KRAS: variants seen among roughly 807,000 people sequenced by gnomAD.
KRAS encodes the protein GTPase KRas.
Under a neutral mutation model 21.0 loss-of-function variants are expected in KRAS, and 1 was observed. The ratio of observed to expected loss-of-function variants is 0.05; its 90% CI spans 0.02 to 0.23. The LOEUF (loss-of-function observed/expected upper bound fraction) is 0.23, where lower values mean the gene tolerates loss of function less well. Among genes scored for constraint, KRAS ranks in the 10% least tolerant of loss-of-function variants. The pLI, the probability that KRAS is intolerant of heterozygous loss-of-function variation, is 1.00. For synonymous variants in KRAS, 67 were observed against 72.5 expected (o/e 0.92, Z 0.39); for missense variants, 107 against 221.8 (o/e 0.48, Z 3.29).
chr12:25,247,832 G>A (rs909872772), intron 1 of KRAS, among the ~76,000 whole-genome samples: 5 of 152,162 alleles, frequency 3.3e-5, no homozygotes, highest in African/African-American at 1.2e-4. Flanking sequence ...GAGATTTACT[G>A]AAGTGTGAAA....
At chr12:25,223,793 A>G (rs1951356480) in intron 4 of KRAS, among the ~76,000 whole-genome samples, 1 of 152,206 alleles carries the variant, frequency 6.6e-6, no homozygotes, top group Non-Finnish European at 1.5e-5. Context: ...TTAACAATGT[A>G]AAAGTTGTTC....
At chr12:25,225,591 G>A (rs1228805613) in intron 4 of KRAS, 23 bp downstream of exon 4, 1 of 1,609,088 alleles carries the variant, frequency 6.2e-7, no homozygotes, top group African/African-American at 1.3e-5. Context: ...AAACAGATCT[G>A]TATTTATTTC....
intron 4 of KRAS, among the ~76,000 whole-genome samples, chr12:25,220,147 G>A (rs1951303303): frequency 6.6e-6 from 1 of 152,148 alleles, no homozygotes; most frequent in Admixed American, 6.5e-5. Flanking sequence ...TTCTCATGGT[G>A]TCAATGTTTC....
At chr12:25,226,109 GTA>G (rs1565884486) in intron 3 of KRAS, among the ~76,000 whole-genome samples, 1 of 152,036 alleles carries the variant, frequency 6.6e-6, no homozygotes, top group African/African-American at 2.4e-5. Flanking sequence ...TTTTAGAAAC[GTA>G]TGTTAAATGT....
rs1951184515 is a variant in KRAS, at chr12:25,209,881, G to T, written c.481C>A (p.Arg161=). 1 of 1,608,914 alleles carries T rather than the reference G, an allele frequency of 6.2e-7. No homozygotes were observed. The highest frequency in any genetic ancestry group is 8.5e-7 in the Non-Finnish European group (1 of 1,176,952). The change falls in exon 5 of 5, where the codon CGA becomes AGA. Residue 161 remains arginine, a synonymous_variant. Transcript: ENST00000311936. ...TTTTCTTTATGTTTTCGAATTTCTC[G>T]AACTAATGTATAGAAGGCATCATCA... ...GVDDAFYTLV[R]EIRKHKEKMS... is the part of the protein sequence containing the mutation.
At position 25,209,886 on chromosome 12, in the gene KRAS, A is replaced by G; in HGVS notation, c.476T>C (p.Leu159Ser). ...RQGVDDAFYT[L>S]VREIRKHKEK... Reference sequence around the variant, plus strand: ...TTTATGTTTTCGAATTTCTCGAACTAATGTATAGAAGGCATCATCAACACC... The same window carrying G: ...TTTATGTTTTCGAATTTCTCGAACTGATGTATAGAAGGCATCATCAACACC... Residue 159 changes from leucine to serine, a missense_variant, in exon 5 of 5, where the codon TTA becomes TCA. By Grantham distance (145) the Leu-to-Ser change is moderately radical. Transcript: ENST00000311936. 1 of 1,611,032 alleles carries G rather than the reference A, an allele frequency of 6.2e-7. No homozygotes were observed. Among genetic ancestry groups the G allele is most frequent in the Non-Finnish European group, 8.5e-7 (1 of 1,177,830 alleles).
chr12:25,221,010 G>C (rs1421219357), intron 4 of KRAS, among the ~76,000 whole-genome samples: 4 of 123,316 alleles, frequency 3.2e-5, no homozygotes, highest in Non-Finnish European at 4.9e-5. Context: ...GGGTGACAGA[G>C]GGAGACTCTG....
intron 2 of KRAS, among the ~76,000 whole-genome samples, chr12:25,228,931 C>T (rs551203627): frequency 1.3e-5 from 2 of 152,114 alleles, no homozygotes; most frequent in Middle Eastern, 3.4e-3. Flanking sequence ...TGGTGGCGGG[C>T]GCCTGTAGTC....
In KRAS at chr12:25,209,121, T is replaced by A; in HGVS notation, c.*674A>T. 1 of 554,150 alleles carries A rather than the reference T, an allele frequency of 1.8e-6. No homozygotes were observed. Among genetic ancestry groups the A allele is most frequent in the Non-Finnish European group, 3.2e-6 (1 of 314,004 alleles). 34.3% of individuals were successfully genotyped at this position (554,150 alleles called of 1,614,324 possible). Reference sequence around the variant, plus strand: ...TTAGGAGTCTTTATAGTAATTTATCTAATGTGAAAAGGAAATGGCCTTATA... The same window carrying A: ...TTAGGAGTCTTTATAGTAATTTATCAAATGTGAAAAGGAAATGGCCTTATA... On this transcript the variant is annotated 3_prime_UTR_variant, in exon 5 of 5. Coordinates refer to ENST00000311936, the MANE Select transcript of KRAS (RefSeq NM_004985.5).
intron 4 of KRAS, chr12:25,211,238 A>G (rs1198169728): frequency 6.6e-6 from 1 of 152,238 alleles, no homozygotes; most frequent in Non-Finnish European, 1.5e-5. Flanking sequence ...AAAAAATTAT[A>G]TGTGTAAAAA....
chr12:25,235,708 A>G (rs1951536888), intron 2 of KRAS, among the ~76,000 whole-genome samples: 1 of 152,180 alleles, frequency 6.6e-6, no homozygotes, highest in African/African-American at 2.4e-5. Context: ...AACAGAATGT[A>G]AAAAACATAG....
intron 4 of KRAS, among the ~76,000 whole-genome samples, chr12:25,221,526 A>G (rs1449714849): frequency 1.3e-5 from 2 of 152,030 alleles, no homozygotes; most frequent in Non-Finnish European, 2.9e-5. Flanking sequence ...CATGAGCCAC[A>G]GCATGCGGCC....
chr12:25,241,814 A>G (rs551350691), intron 2 of KRAS, among the ~76,000 whole-genome samples: 8 of 152,338 alleles, frequency 5.3e-5, no homozygotes, highest in Non-Finnish European at 1.0e-4. Context: ...AAACATCTCC[A>G]GATGTTGCCA....
intron 4 of KRAS, among the ~76,000 whole-genome samples, chr12:25,218,918 T>C (rs997025252): frequency 1.8e-5 from 2 of 110,520 alleles, no homozygotes; most frequent in Non-Finnish European, 4.2e-5. Context: ...GGGGGTTTTT[T>C]GTTTTTTTTT....
At chr12:25,229,285 A>C (rs1481390250) in intron 2 of KRAS, among the ~76,000 whole-genome samples, 1 of 152,222 alleles carries the variant, frequency 6.6e-6, no homozygotes, top group Non-Finnish European at 1.5e-5. Context: ...AAAATCAATC[A>C]ACTTATAAAT....
At chr12:25,245,126 T>C (rs1200624879) in intron 2 of KRAS, 148 bp downstream of exon 2, 4 of 854,256 alleles carry the variant, frequency 4.7e-6, no homozygotes, top group Admixed American at 4.4e-5. Context: ...TGGTTACATA[T>C]AACTTGAAAC....
intron 2 of KRAS, among the ~76,000 whole-genome samples, chr12:25,233,059 A>C (rs958525572): frequency 1.3e-5 from 2 of 152,170 alleles, no homozygotes; most frequent in Non-Finnish European, 2.9e-5. Flanking sequence ...TTTAAAACTG[A>C]CCCATAATCT....
intron 2 of KRAS, among the ~76,000 whole-genome samples, chr12:25,240,348 T>C (rs1187741020): frequency 6.6e-6 from 1 of 152,184 alleles, no homozygotes; most frequent in East Asian, 1.9e-4. Context: ...GCCATCCATA[T>C]CCATGGGTAC....
At chr12:25,224,681 G>T (rs570895406) in intron 4 of KRAS, among the ~76,000 whole-genome samples, 7 of 152,212 alleles carry the variant, frequency 4.6e-5, no homozygotes, top group African/African-American at 1.7e-4. Context: ...TTACCATTGT[G>T]TTAACAATTG....
Sources: gnomAD v4.1 joint callset for allele counts (sites outside exome capture counted in the v4.1 genomes callset) on GRCh38, gnomAD v4.1.1 for gene constraint, MANE v1.5 for transcripts, NCBI Gene and HGNC (gene_info 2026-07-23, HGNC 2026-07-21) for gene names.